The following BAIAP2L2 variants were observed in gnomAD, a reference collection of about 807,000 sequenced individuals.
BAIAP2L2 encodes the protein BAR/IMD domain containing adaptor protein 2 like 2.
Under a neutral mutation model 60.4 loss-of-function variants are expected in BAIAP2L2, and 65 were observed. The ratio of observed to expected loss-of-function variants is 1.08; its 90% CI spans 0.88 to 1.32. The LOEUF is 1.32. Among genes scored for constraint, BAIAP2L2 ranks in the 40% most tolerant of loss-of-function variants. The pLI is 0.00. For synonymous variants in BAIAP2L2, 344 were observed against 301.7 expected (o/e 1.14, Z -1.45); for missense variants, 836 against 741.2 (o/e 1.13, Z -1.48).
intron 4 of BAIAP2L2, among the ~76,000 whole-genome samples, chr22:38,102,884 CA>C (rs572695561): frequency 1.2e-3 from 176 of 143,630 alleles, no homozygotes; most frequent in African/African-American, 2.2e-3. Context: ...CTAAACATAC[CA>C]AAAAAAAAAA....
chr22:38,086,938 G>A (rs574086340), intron 11 of BAIAP2L2, among the ~76,000 whole-genome samples, 186 bp downstream of exon 11: 5 of 150,046 alleles, frequency 3.3e-5, no homozygotes, highest in African/African-American at 1.2e-4. Context: ...AGAGGTTGCA[G>A]TGAGCCAAGA....
At position 38,106,490 on chromosome 22, in the gene BAIAP2L2, A is replaced by AG. The variant is rs1166532043; in HGVS notation, c.276+1361dup. ...AGCTGAGATTGTGACACTGCACTCC[A>AG]GCCTGGACGACAGAGCAAGACTCCG... On this transcript the variant is annotated intron_variant, in intron 4 of 13. Transcript: ENST00000381669. Among the ~76,000 whole-genome samples, 7 of 150,734 alleles carry AG rather than the reference A, an allele frequency of 4.6e-5. No individual in the cohort carries two copies. In the South Asian group the frequency reaches 1.5e-3, roughly 32 times the overall value.
intron 10 of BAIAP2L2, among the ~76,000 whole-genome samples, chr22:38,088,235 G>A (rs148801042): frequency 1.4e-4 from 21 of 152,294 alleles, no homozygotes; most frequent in East Asian, 7.7e-4. Flanking sequence ...GCTGTCCTCC[G>A]CACTTTCTGG....
chr22:38,091,679 A>G (rs537931766), intron 7 of BAIAP2L2: 1 of 152,344 alleles, frequency 6.6e-6, no homozygotes, highest in African/African-American at 2.4e-5. Flanking sequence ...AAAGACCGAT[A>G]CATTTTACTA....
At position 38,087,143 on chromosome 22, in the gene BAIAP2L2, C is replaced by T. The variant is rs200076100; in HGVS notation, c.1240G>A (p.Gly414Arg). The change falls in exon 11 of 14, where the codon GGG becomes AGG. Residue 414 changes from glycine to arginine, a missense_variant. By Grantham distance (125) the Gly-to-Arg change is moderately radical. Transcript: ENST00000381669. ...SMSPMTPMNP[G>R]NELPSRSYPL... The stretch of plus-strand genomic sequence containing the variant: ...AGGTACCTGGAAGGCAGCTCGTTCC[C>T]GGGGTTCATGGGTGTCATGGGGGAC... 8.4e-6 allele frequency: 11 copies of T among 1,305,950 alleles called. No individual in the cohort carries two copies. Among genetic ancestry groups the T allele is most frequent in the Admixed American group, 5.0e-5 (2 of 40,154 alleles). 80.9% of individuals were successfully genotyped at this position (1,305,950 alleles called of 1,614,324 possible).
At chr22:38,086,123 C>G in intron 12 of BAIAP2L2, 119 bp downstream of exon 12, 1 of 1,148,400 alleles carries the variant, frequency 8.7e-7, no homozygotes, top group Admixed American at 2.0e-5. Flanking sequence ...GAGGAACAGA[C>G]TGAGTGAGGC....
Position 38,086,292 on chromosome 22 carries a change from T to A in BAIAP2L2, c.1417A>T (p.Ser473Cys). The A allele has an allele frequency of 2.5e-6, 4 of 1,588,876 alleles. No homozygotes were observed. The highest frequency in any genetic ancestry group is 3.4e-6 in the Non-Finnish European group (4 of 1,164,040). ...CTGCCCATGCTGCTGCGGCGGCTGC[T>A]GGGCAAGGGTGGAGGTGCAGGGCTG... ...APSPAPPPLP[S>C]SRRSSMGSTA... Residue 473 changes from serine (S) to cysteine (C), a missense_variant, in exon 12 of 14, where the codon AGC becomes TGC. Ser to Cys is a moderately radical substitution (Grantham distance 112). Coordinates refer to ENST00000381669, the MANE Select transcript of BAIAP2L2 (RefSeq NM_025045.6).
chr22:38,104,650 C>T (rs2086628569), intron 4 of BAIAP2L2, among the ~76,000 whole-genome samples: 1 of 151,858 alleles, frequency 6.6e-6, no homozygotes, highest in Admixed American at 6.6e-5. Flanking sequence ...CGCCCACCAC[C>T]ATGCCCGGCT....
chr22:38,102,060 G>A (rs1265600221), intron 4 of BAIAP2L2, among the ~76,000 whole-genome samples: 2 of 152,154 alleles, frequency 1.3e-5, no homozygotes, highest in Non-Finnish European at 2.9e-5. Flanking sequence ...CTGAGCACAG[G>A]TGCACCCCGA....
chr22:38,087,655 A>G (rs1476701781), intron 10 of BAIAP2L2, among the ~76,000 whole-genome samples: 2 of 151,002 alleles, frequency 1.3e-5, no homozygotes, highest in African/African-American at 4.9e-5. Flanking sequence ...CTCTCTCCCC[A>G]CTGACCCCCT....
In BAIAP2L2 at chr22:38,087,188, TGGGGGTCAC is replaced by T. The variant is rs749863021; in HGVS notation, c.1186_1194del (p.Val396_Pro398del). The T allele has an allele frequency of 1.2e-6, 2 of 1,601,126 alleles. No homozygotes were observed. The highest frequency in any genetic ancestry group is 1.7e-6 in the Non-Finnish European group (2 of 1,175,476). On this transcript the variant is annotated inframe_deletion, in exon 11 of 14. Transcript: ENST00000381669. ...GGGGACATGGAGGTCATGGAGGTCA[TGGGGGTCAC>T]GGGGGTCATGGGATTCACGGGCCCC...
intron 4 of BAIAP2L2, among the ~76,000 whole-genome samples, chr22:38,107,390 G>T (rs563281759): frequency 2.0e-5 from 3 of 152,286 alleles, no homozygotes; most frequent in Admixed American, 1.3e-4. Context: ...TGTGTTGGGG[G>T]TGTCAGGAGA....
rs1008150758 is a variant in BAIAP2L2 at position 38,107,367 on chromosome 22, C to T, written c.276+485G>A. ...GACACCAGCAGAGGGCCCACTCTTC[C>T]GGGGGGCTGGGCTGTGTTGGGGGTG... On this transcript the variant is annotated intron_variant, in intron 4 of 13. Coordinates refer to ENST00000381669, the MANE Select transcript of BAIAP2L2 (RefSeq NM_025045.6). Among the ~76,000 whole-genome samples, 5 of 152,162 alleles carry T rather than the reference C, an allele frequency of 3.3e-5. 1 individual carries two copies. The highest frequency in any genetic ancestry group is 4.1e-4 in the South Asian group (2 of 4,820).
At chr22:38,106,883 G>A (rs1338090368) in intron 4 of BAIAP2L2, among the ~76,000 whole-genome samples, 1 of 152,186 alleles carries the variant, frequency 6.6e-6, no homozygotes, top group East Asian at 1.9e-4. Context: ...CTTGGCGGAA[G>A]GCCCTGGAGC....
At chr22:38,103,362 A>G (rs1016154781) in intron 4 of BAIAP2L2, among the ~76,000 whole-genome samples, 1 of 152,174 alleles carries the variant, frequency 6.6e-6, no homozygotes, top group African/African-American at 2.4e-5. Context: ...GCCACCAAAA[A>G]AGCCTAGAAA....
At chr22:38,108,151 C>A in intron 3 of BAIAP2L2, 104 bp downstream of exon 3, 2 of 1,162,230 alleles carry the variant, frequency 1.7e-6, no homozygotes, top group East Asian at 2.5e-5. Flanking sequence ...TGGCTCTGGG[C>A]CCTGGGCTGA....
intron 2 of BAIAP2L2, among the ~76,000 whole-genome samples, chr22:38,108,649 G>A (rs570730204): frequency 5.9e-5 from 9 of 152,232 alleles, no homozygotes; most frequent in African/African-American, 1.2e-4. Flanking sequence ...CACAGCGGAC[G>A]GGTACAAGGG....
In BAIAP2L2 at chr22:38,086,423, C is replaced by A; in HGVS notation, c.1286G>T (p.Ser429Ile). The change falls in exon 12 of 14, where the codon AGC becomes ATC. Residue 429 changes from serine (S) to isoleucine (I), a missense_variant. By Grantham distance (142) the Ser-to-Ile change is moderately radical. Transcript: ENST00000381669. ...CGGCCGGTCCAGGAGGTCATCGAGGCTGTGGCTGCCCCGGAGTGGGTAGGA... is the reference window on the plus strand; with the variant it reads ...CGGCCGGTCCAGGAGGTCATCGAGGATGTGGCTGCCCCGGAGTGGGTAGGA... ...SRSYPLRGSH[S>I]LDDLLDRPGN... is the part of the protein sequence containing the mutation. 3 of 1,520,606 alleles carry A rather than the reference C, an allele frequency of 2.0e-6. No individual in the cohort carries two copies. The highest frequency in any genetic ancestry group is 2.0e-5 in the Admixed American group (1 of 49,596). 94.2% of individuals were successfully genotyped at this position (1,520,606 alleles called of 1,614,324 possible).
Position 38,110,471 on chromosome 22 carries a change from T to C in BAIAP2L2, c.51+4A>G. On this transcript the variant is annotated splice_donor_region_variant and intron_variant, in intron 1 of 13. Transcript: ENST00000381669. ...AGGCCTGGCTTGGCCACCCATGTGC[T>C]CACCTTGTAGATGGCCATGGTGGAC... is the stretch of plus-strand genomic sequence containing the variant. 1 of 1,611,946 alleles carries C rather than the reference T, an allele frequency of 6.2e-7. No homozygotes were observed. The highest frequency in any genetic ancestry group is 8.5e-7 in the Non-Finnish European group (1 of 1,179,212).
Sources: gnomAD v4.1 joint callset for allele counts (sites outside exome capture counted in the v4.1 genomes callset) on GRCh38, gnomAD v4.1.1 for gene constraint, MANE v1.5 for transcripts, NCBI Gene and HGNC (gene_info 2026-07-23, HGNC 2026-07-21) for gene names.